The following BBOF1 variants were observed in gnomAD, a reference collection of about 807,000 sequenced individuals.
The protein encoded by BBOF1 is basal body-orientation factor 1.
A neutral mutation model predicts 68.0 loss-of-function variants in BBOF1; 62 were observed. The observed-to-expected ratio is 0.91, with a 90% CI of 0.74 to 1.13. The LOEUF is 1.13. Ranked by LOEUF, BBOF1 falls within the 50% of genes most tolerant of loss-of-function variation. BBOF1 has a pLI of 0.00. For synonymous variants in BBOF1, 208 were observed against 198.8 expected (o/e 1.05, Z -0.39); for missense variants, 534 against 600.1 (o/e 0.89, Z 1.15).
At chr14:74,076,453 C>T (rs1423009269) in intron 9 of BBOF1, among the ~76,000 whole-genome samples, 2 of 152,124 alleles carry the variant, frequency 1.3e-5, no homozygotes, top group African/African-American at 4.8e-5. Flanking sequence ...CCTCTGCCTC[C>T]CGTGTTCAAG....
chr14:74,028,634 C>T (rs1311386153), intron 2 of BBOF1, among the ~76,000 whole-genome samples: 2 of 151,920 alleles, frequency 1.3e-5, no homozygotes, highest in Admixed American at 6.6e-5. Flanking sequence ...AATCCCAGCA[C>T]TTAGGCCAAG....
chr14:74,052,513 C>T (rs1311471339), intron 8 of BBOF1, among the ~76,000 whole-genome samples: 1 of 151,868 alleles, frequency 6.6e-6, no homozygotes, highest in Non-Finnish European at 1.5e-5. Flanking sequence ...GGCATGATGG[C>T]ACACACCTGT....
intron 9 of BBOF1, among the ~76,000 whole-genome samples, chr14:74,056,028 A>AT (rs2060192655): frequency 6.8e-6 from 1 of 146,318 alleles, no homozygotes; most frequent in African/African-American, 2.6e-5. Flanking sequence ...GTTTGCAAAG[A>AT]TAAGTATTTT....
chr14:74,037,459 ATT>A (rs1280451837), intron 4 of BBOF1, among the ~76,000 whole-genome samples: 14 of 126,720 alleles, frequency 1.1e-4, no homozygotes, highest in Admixed American at 2.4e-4. Context: ...CACCTGGCTA[ATT>A]TTTTTTTTTT....
intron 1 of BBOF1, 23 bp downstream of exon 1, chr14:74,019,557 T>G (rs1566783739): frequency 1.3e-6 from 2 of 1,575,852 alleles, no homozygotes; most frequent in South Asian, 2.3e-5. Flanking sequence ...CACCCGAGAG[T>G]CCCCTCTCCC....
At chr14:74,046,185 G>A in intron 6 of BBOF1, 55 bp downstream of exon 6, 1 of 1,449,744 alleles carries the variant, frequency 6.9e-7, no homozygotes, top group Non-Finnish European at 9.4e-7. Flanking sequence ...CCTCTTTGCT[G>A]GTCTCTTTTC....
chr14:74,042,265 G>C (rs1225190273), intron 5 of BBOF1, among the ~76,000 whole-genome samples: 1 of 152,180 alleles, frequency 6.6e-6, no homozygotes, highest in Non-Finnish European at 1.5e-5. Flanking sequence ...TGAGGCAAGA[G>C]CAGCACCCTG....
downstream of BBOF1, among the ~76,000 whole-genome samples, chr14:74,068,001 A>G (rs2060496522): frequency 6.6e-6 from 1 of 151,348 alleles, no homozygotes; most frequent in Non-Finnish European, 1.5e-5. Flanking sequence ...CAATGTTAAA[A>G]AAAAAAAAAA....
intron 9 of BBOF1, among the ~76,000 whole-genome samples, chr14:74,073,082 G>A (rs888172570): frequency 5.9e-5 from 9 of 152,120 alleles, no homozygotes; most frequent in Non-Finnish European, 8.8e-5. Flanking sequence ...TTACAGGCGT[G>A]AGCCTCTGCA....
intron 9 of BBOF1, among the ~76,000 whole-genome samples, chr14:74,077,356 T>C (rs1031366429): frequency 6.6e-6 from 1 of 152,332 alleles, no homozygotes; most frequent in African/African-American, 2.4e-5. Flanking sequence ...TGGTATCTTA[T>C]TCCGTTTTGT....
At position 74,065,591 on chromosome 14, in the gene BBOF1, C is replaced by A; in HGVS notation, c.*892C>A. On this transcript the variant is annotated 3_prime_UTR_variant, in exon 12 of 12. Coordinates refer to ENST00000394009, the MANE Select transcript of BBOF1 (RefSeq NM_025057.3). ...TTGGAATTCCTATCAACAATAACCA[C>A]ACTTCCTTTAAGGGACTGTATCTTT... 1 of 533,760 alleles carries A rather than the reference C, an allele frequency of 1.9e-6. No individual in the cohort carries two copies. The highest frequency in any genetic ancestry group is 3.4e-6 in the Non-Finnish European group (1 of 297,546). The allele number at this position is 533,760 out of a possible 1,614,324, so 33.1% of individuals were successfully genotyped here. A position where few individuals can be genotyped will look rare whatever the true frequency, so the allele number is the denominator to read the frequency against.
rs1226467889 is a variant in BBOF1 at position 74,065,067 on chromosome 14, C to G, written c.*368C>G. 22 of 1,407,500 alleles carry G rather than the reference C, an allele frequency of 1.6e-5. No individual in the cohort carries two copies. Among genetic ancestry groups the G allele is most frequent in the Non-Finnish European group, 2.0e-6 (2 of 1,006,074 alleles). 87.2% of individuals were successfully genotyped at this position (1,407,500 alleles called of 1,614,324 possible). ...TTTCATTCCTGAGGAAGAAATGGGG[C>G]AATGTGGGAGGTCATGGGGGCAATC... On this transcript the variant is annotated 3_prime_UTR_variant, in exon 12 of 12. Transcript: ENST00000394009.
exon 10 of BBOF1, chr14:74,078,336 G>A (rs913635324): frequency 2.3e-6 from 1 of 444,394 alleles, no homozygotes; most frequent in Non-Finnish European, 4.5e-6. Context: ...ATCAATATAT[G>A]TGGACTGGAT....
At chr14:74,073,874 C>T (rs2060580916) in intron 9 of BBOF1, among the ~76,000 whole-genome samples, 3 of 147,014 alleles carry the variant, frequency 2.0e-5, no homozygotes, top group South Asian at 2.1e-4. Flanking sequence ...GCTGAGATCA[C>T]GCCACTGCAT....
At chr14:74,041,167 G>C (rs1308317674) in intron 5 of BBOF1, among the ~76,000 whole-genome samples, 3 of 152,134 alleles carry the variant, frequency 2.0e-5, no homozygotes, top group Non-Finnish European at 4.4e-5. Context: ...GCCGGGCATG[G>C]TGGCACATGC....
chr14:74,078,162 C>G (rs1256300625), intron 9 of BBOF1: 2 of 454,908 alleles, frequency 4.4e-6, no homozygotes. Flanking sequence ...TCCTCTTGTA[C>G]TTTCAGGAGC....
At chr14:74,055,142 C>G (rs1003403265) in intron 8 of BBOF1, 1 of 157,652 alleles carries the variant, frequency 6.3e-6, no homozygotes, top group Non-Finnish European at 1.4e-5. Flanking sequence ...TTGTAGTTTT[C>G]TTTTTTTCTT....
chr14:74,050,940 C>G (rs2060053771), intron 8 of BBOF1, among the ~76,000 whole-genome samples: 1 of 151,436 alleles, frequency 6.6e-6, no homozygotes, highest in Non-Finnish European at 1.5e-5. Flanking sequence ...GAAACCCTGT[C>G]CCACTAAAAA....
downstream of BBOF1, chr14:74,068,977 T>A: frequency 6.2e-7 from 1 of 1,613,926 alleles, no homozygotes; most frequent in Non-Finnish European, 8.5e-7. Context: ...AAATAAAATT[T>A]ACAGCTTTAA....
Sources: gnomAD v4.1 joint callset for allele counts (sites outside exome capture counted in the v4.1 genomes callset) on GRCh38, gnomAD v4.1.1 for gene constraint, MANE v1.5 for transcripts, NCBI Gene and HGNC (gene_info 2026-07-23, HGNC 2026-07-21) for gene names.